ASXL2: variants seen among roughly 807,000 people sequenced by gnomAD.
ASXL2 encodes the protein putative Polycomb group protein ASXL2.
In ASXL2, 23 loss-of-function variants were observed where a neutral mutation model predicts 122.0. That is an observed-to-expected ratio of 0.19 (90% confidence interval 0.14 to 0.27). ASXL2 has a LOEUF of 0.27. Among genes scored for constraint, ASXL2 ranks in the 10% least tolerant of loss-of-function variants. The pLI is 1.00. For missense variants in ASXL2, 1,518 were observed against 1,713.8 expected, an observed-to-expected ratio of 0.89 and a Z score of 2.02; for synonymous variants, 650 against 637.0, an observed-to-expected ratio of 1.02 and a Z score of -0.31.
chr2:25,832,961 T>G (rs2089471481), intron 3 of ASXL2, among the ~76,000 whole-genome samples: 1 of 152,160 alleles, frequency 6.6e-6, no homozygotes, highest in African/African-American at 2.4e-5. Flanking sequence ...TACTCTATGA[T>G]TCCATTAAAC....
chr2:25,791,888 G>A (rs1205254700), intron 5 of ASXL2, among the ~76,000 whole-genome samples: 5 of 152,164 alleles, frequency 3.3e-5, no homozygotes, highest in African/African-American at 1.2e-4. Flanking sequence ...GATATGCTGA[G>A]ACAACTTTAA....
chr2:25,846,457 G>A (rs542347658), intron 1 of ASXL2, among the ~76,000 whole-genome samples: 56 of 152,234 alleles, frequency 3.7e-4, no homozygotes, highest in Non-Finnish European at 6.5e-4. Context: ...AGACCAGCCT[G>A]GCCAATATGG....
At chr2:25,855,161 T>C (rs1488566819) in intron 1 of ASXL2, among the ~76,000 whole-genome samples, 5 of 152,160 alleles carry the variant, frequency 3.3e-5, no homozygotes, top group Non-Finnish European at 2.9e-5. Flanking sequence ...TTTAAACTGG[T>C]AATATTAAAT....
intron 7 of ASXL2, among the ~76,000 whole-genome samples, chr2:25,767,984 G>T (rs1400885432): frequency 2.6e-5 from 4 of 152,124 alleles, no homozygotes; most frequent in African/African-American, 9.7e-5. Flanking sequence ...AGTCTGGCAG[G>T]CCCATAGAAT....
intron 1 of ASXL2, among the ~76,000 whole-genome samples, chr2:25,862,944 C>G (rs2089857063): frequency 6.6e-6 from 1 of 151,926 alleles, no homozygotes; most frequent in South Asian, 2.1e-4. Flanking sequence ...TTCTTGCCCT[C>G]AAAAAAGCTC....
chr2:25,841,466 T>C (rs897488263), intron 2 of ASXL2, among the ~76,000 whole-genome samples: 2 of 152,198 alleles, frequency 1.3e-5, no homozygotes, highest in Non-Finnish European at 2.9e-5. Flanking sequence ...TCACTGCCTC[T>C]GGAGCTACCT....
intron 4 of ASXL2, among the ~76,000 whole-genome samples, chr2:25,804,477 A>G (rs1431992256): frequency 2.0e-5 from 3 of 152,224 alleles, no homozygotes; most frequent in African/African-American, 7.2e-5. Flanking sequence ...TTTAGTTCTT[A>G]TCTCTCTTCA....
intron 1 of ASXL2, chr2:25,856,357 C>T (rs1200222607): frequency 2.9e-6 from 1 of 347,716 alleles, no homozygotes; most frequent in Non-Finnish European, 5.3e-6. Context: ...GCTCACCTGG[C>T]CTATACTTTT....
Position 25,741,948 on chromosome 2 carries a change from T to A in ASXL2, c.*81A>T, listed in dbSNP as rs2087834212. Reference sequence around the variant, plus strand: ...ACTGAAACCTACTTGTTTATTTCTGTGATTCCAAAAGGACGCAAAAAACCC... The same window carrying A: ...ACTGAAACCTACTTGTTTATTTCTGAGATTCCAAAAGGACGCAAAAAACCC... On this transcript the variant is annotated 3_prime_UTR_variant, in exon 13 of 13. Transcript: ENST00000435504. 7.4e-7 allele frequency: 1 copy of A among 1,344,436 alleles called. No individual in the cohort carries two copies. Among genetic ancestry groups the A allele is most frequent in the African/African-American group, 1.5e-5 (1 of 68,332 alleles). 83.3% of individuals were successfully genotyped at this position (1,344,436 alleles called of 1,614,324 possible).
chr2:25,819,030 C>G (rs2089275318), intron 3 of ASXL2, among the ~76,000 whole-genome samples: 1 of 152,172 alleles, frequency 6.6e-6, no homozygotes, highest in African/African-American at 2.4e-5. Context: ...GGGAAGGCCA[C>G]AGAACTCAGG....
intron 3 of ASXL2, chr2:25,810,389 CTCTCTCACTCTGATCAGTAGCTTTT>C: frequency 1.5e-6 from 1 of 671,186 alleles, no homozygotes; most frequent in East Asian, 2.9e-5. Context: ...ACCTTCATAT[CTCTCTCACTCTGATCAGTAGCTTTT>C]TCCGCTTCTT....
At chr2:25,777,960 A>T (rs991269298) in intron 5 of ASXL2, among the ~76,000 whole-genome samples, 2 of 152,242 alleles carry the variant, frequency 1.3e-5, no homozygotes, top group African/African-American at 4.8e-5. Flanking sequence ...TCAAAGATAC[A>T]TCTTCATCTG....
At chr2:25,868,361 C>T (rs576697282) in intron 1 of ASXL2, among the ~76,000 whole-genome samples, 77 of 152,342 alleles carry the variant, frequency 5.1e-4, no homozygotes, top group African/African-American at 1.8e-3. Flanking sequence ...GTATCAACTG[C>T]TAATTAAAGT....
intron 5 of ASXL2, among the ~76,000 whole-genome samples, chr2:25,795,603 C>T (rs968667785): frequency 6.6e-6 from 1 of 152,128 alleles, no homozygotes; most frequent in Non-Finnish European, 1.5e-5. Flanking sequence ...TCCCATTTTA[C>T]AAGACTTTCT....
chr2:25,743,389 G>C lies in ASXL2; in HGVS notation c.2948C>G (p.Thr983Ser). 2 of 1,613,958 alleles carry C rather than the reference G, an allele frequency of 1.2e-6. No individual in the cohort carries two copies. Among genetic ancestry groups the C allele is most frequent in the Non-Finnish European group, 1.7e-6 (2 of 1,179,902 alleles). The stretch of plus-strand genomic sequence containing the variant: ...TCCCATCCCCCTTTCCTCTTTTGCA[G>C]TCAGTGGAACCGTTTTCATTTCAAC... ...TKVEMKTVPLTAKEERGMGAL... is the reference protein window; with the variant it reads ...TKVEMKTVPLSAKEERGMGAL... Residue 983 changes from threonine to serine, a missense_variant, in exon 13 of 13, where the codon ACT becomes AGT. Physicochemically the swap from Thr to Ser is moderately conservative, Grantham distance 58. This residue lies in a region of ASXL2 where 831 missense variants were observed against 833.1 expected (regional missense o/e 1.00). Coordinates refer to ENST00000435504, the MANE Select transcript of ASXL2 (RefSeq NM_018263.6).
At chr2:25,874,041 C>A (rs1039256399) in intron 1 of ASXL2, among the ~76,000 whole-genome samples, 2 of 152,144 alleles carry the variant, frequency 1.3e-5, no homozygotes, top group African/African-American at 4.8e-5. Context: ...TAATTTTGAA[C>A]ATAGTTCTAA....
intron 3 of ASXL2, among the ~76,000 whole-genome samples, chr2:25,807,868 A>C (rs1358338552): frequency 6.6e-6 from 1 of 152,162 alleles, no homozygotes; most frequent in Non-Finnish European, 1.5e-5. Flanking sequence ...CTTTGGAGAC[A>C]GTACCCAAAA....
chr2:25,750,239 T>C lies in ASXL2; in HGVS notation c.1317A>G (p.Ser439=). 5.0e-6 allele frequency: 8 copies of C among 1,614,000 alleles called. No individual in the cohort carries two copies. Among genetic ancestry groups the C allele is most frequent in the Non-Finnish European group, 5.9e-6 (7 of 1,179,888 alleles). The change falls in exon 12 of 13, where the codon TCA becomes TCG. Residue 439 remains serine, a synonymous_variant. Coordinates refer to ENST00000435504, the MANE Select transcript of ASXL2 (RefSeq NM_018263.6). The part of the protein sequence containing the change: ...SECKEEALQM[S]SPGRKEECES... Reference sequence around the variant, plus strand: ...CACACTCTTCTTTTCTGCCTGGTGATGACATTTGCAATGCTTCTTCTTTAC... The same window carrying C: ...CACACTCTTCTTTTCTGCCTGGTGACGACATTTGCAATGCTTCTTCTTTAC...
At chr2:25,775,082 T>C (rs532444087) in intron 5 of ASXL2, among the ~76,000 whole-genome samples, 2 of 152,306 alleles carry the variant, frequency 1.3e-5, no homozygotes, top group South Asian at 2.1e-4. Context: ...CTTTTTTAGT[T>C]AGTCTTCTGA....
Sources: allele counts gnomAD v4.1 joint callset (sites outside exome capture counted in the v4.1 genomes callset), GRCh38; gene constraint gnomAD v4.1.1; regional missense constraint gnomAD v4.1.1; transcripts MANE v1.5; gene names NCBI Gene and HGNC (gene_info 2026-07-23, HGNC 2026-07-21).